APBB2: variants seen among roughly 807,000 people sequenced by gnomAD.
The protein encoded by APBB2 is amyloid beta precursor protein binding family B member 2, also known as Fe65-like 1.
A neutral mutation model predicts 82.5 loss-of-function variants in APBB2; 38 were observed. The observed-to-expected ratio is 0.46, with a 90% CI of 0.36 to 0.60. APBB2 has a LOEUF of 0.60. Among genes scored for constraint, APBB2 ranks in the 20% least tolerant of loss-of-function variants. The pLI is 0.00. For missense variants in APBB2, 772 were observed against 972.3 expected (o/e 0.79, Z 2.74); for synonymous variants, 341 against 368.2 (o/e 0.93, Z 0.85).
chr4:40,828,647 G>A (rs910121178), intron 13 of APBB2, among the ~76,000 whole-genome samples: 2 of 152,168 alleles, frequency 1.3e-5, no homozygotes, highest in African/African-American at 2.4e-5. Flanking sequence ...GCACATAAAT[G>A]GCATTCCATT....
intron 6 of APBB2, among the ~76,000 whole-genome samples, chr4:40,954,505 G>A (rs373358139): frequency 1.3e-5 from 2 of 152,166 alleles, no homozygotes; most frequent in East Asian, 1.9e-4. Flanking sequence ...TGCACACCCG[G>A]CCTAAGACAC....
chr4:40,846,326 CAAAAAAAAAA>C (rs3086182), intron 12 of APBB2, among the ~76,000 whole-genome samples: 11 of 62,510 alleles, frequency 1.8e-4, no homozygotes, highest in African/African-American at 7.1e-4. Context: ...GAAAACACTC[CAAAAAAAAAA>C]AAAAAAAAAA....
At chr4:41,213,856 G>A (rs1779957129) in intron 1 of APBB2, among the ~76,000 whole-genome samples, 1 of 152,172 alleles carries the variant, frequency 6.6e-6, no homozygotes, top group African/African-American at 2.4e-5. Flanking sequence ...TGAACCCCTC[G>A]TGGAGAAGCC....
intron 6 of APBB2, among the ~76,000 whole-genome samples, chr4:40,964,908 CAGG>C (rs1419417089): frequency 6.6e-6 from 1 of 152,094 alleles, no homozygotes; most frequent in Non-Finnish European, 1.5e-5. Context: ...ATCACGAGGT[CAGG>C]AGATCGAGAC....
At chr4:41,175,433 G>C (rs1458971405) in intron 1 of APBB2, among the ~76,000 whole-genome samples, 1 of 151,974 alleles carries the variant, frequency 6.6e-6, no homozygotes, top group Non-Finnish European at 1.5e-5. Context: ...TAAAAAATAA[G>C]GCTTGTATTT....
chr4:40,900,913 C>T (rs943194334), intron 10 of APBB2, among the ~76,000 whole-genome samples: 45 of 152,130 alleles, frequency 3.0e-4, no homozygotes, highest in African/African-American at 1.0e-3. Flanking sequence ...ATCAATGGGA[C>T]AAACAGACCA....
At chr4:41,098,797 A>T (rs28496572) in intron 3 of APBB2, among the ~76,000 whole-genome samples, 219 of 152,338 alleles carry the variant, frequency 1.4e-3, no homozygotes, top group African/African-American at 5.0e-3. Flanking sequence ...TACATTTGCA[A>T]TCTAAACACC....
At chr4:41,091,589 T>C (rs761754180) in intron 3 of APBB2, among the ~76,000 whole-genome samples, 1 of 152,168 alleles carries the variant, frequency 6.6e-6, no homozygotes, top group African/African-American at 2.4e-5. Context: ...GAGGGATTGA[T>C]TGTGTCTTTC....
chr4:40,870,748 T>C lies in APBB2; in HGVS notation c.1529+19616A>G, dbSNP rs560245385. On this transcript the variant is annotated intron_variant, in intron 12 of 17. Coordinates refer to ENST00000508593, the MANE Select transcript of APBB2 (RefSeq NM_004307.2). ...GTATACACACTCTTTTTTTTTTTTT[T>C]TTTGGAGACCAAGTCTCACTCTCAC... Among the ~76,000 whole-genome samples the C allele has an allele frequency of 4.9e-4, 75 of 151,616 alleles. 2 individuals are homozygous for C. The South Asian group carries it at 0.014, about 29-fold the overall frequency.
In APBB2 at chr4:40,832,630, G is replaced by C. The variant is rs1414601980; in HGVS notation, c.1530-2053C>G. On this transcript the variant is annotated intron_variant, in intron 12 of 17. Coordinates refer to ENST00000508593, the MANE Select transcript of APBB2 (RefSeq NM_004307.2). The surrounding 1 kb of genome is among the most constrained non-coding windows in gnomAD (Gnocchi z 4.8). Reference sequence around the variant, plus strand: ...ACGCAGCCATTCTAAGCTGCTCTTCGCCTCCCTGCCTGTGCTCAGGCCATC... The same window carrying C: ...ACGCAGCCATTCTAAGCTGCTCTTCCCCTCCCTGCCTGTGCTCAGGCCATC... 1.3e-5 allele frequency among the ~76,000 whole-genome samples: 2 copies of C among 152,014 alleles called. No individual in the cohort carries two copies. The highest frequency in any genetic ancestry group is 2.9e-5 in the Non-Finnish European group (2 of 67,994).
intron 3 of APBB2, among the ~76,000 whole-genome samples, chr4:41,093,110 G>A (rs187911678): frequency 6.6e-6 from 1 of 152,268 alleles, no homozygotes; most frequent in East Asian, 1.9e-4. Context: ...CAGTTGTGCT[G>A]CTCTCCTGGA....
intron 6 of APBB2, among the ~76,000 whole-genome samples, chr4:40,968,909 G>C (rs867929379): frequency 3.9e-5 from 6 of 152,114 alleles, no homozygotes; most frequent in Non-Finnish European, 5.9e-5. Flanking sequence ...TTGAATCATG[G>C]GGGAGGTTTC....
chr4:41,045,271 A>G (rs1722977214), intron 4 of APBB2, among the ~76,000 whole-genome samples: 1 of 151,504 alleles, frequency 6.6e-6, no homozygotes, highest in Non-Finnish European at 1.5e-5. Flanking sequence ...GAAATAGAAT[A>G]TTATGATTTT....
intron 2 of APBB2, among the ~76,000 whole-genome samples, chr4:41,104,319 C>A (rs915259217): frequency 2.0e-5 from 3 of 152,110 alleles, no homozygotes; most frequent in Admixed American, 6.5e-5. Flanking sequence ...CATGAGTGTG[C>A]TTAGTTTAAT....
At position 40,947,532 on chromosome 4, in the gene APBB2, G is replaced by A. The variant is rs551837506; in HGVS notation, c.836-2459C>T. The stretch of plus-strand genomic sequence containing the variant: ...GGTATCATGAGAGGAACTTTATGCT[G>A]AATGGCACGAATCAGACTGTTTATC... On this transcript the variant is annotated intron_variant, in intron 6 of 17. Coordinates refer to ENST00000508593, the MANE Select transcript of APBB2 (RefSeq NM_004307.2). 3.9e-5 allele frequency among the ~76,000 whole-genome samples: 6 copies of A among 152,366 alleles called. No individual in the cohort carries two copies. In the South Asian group the frequency reaches 1.2e-3, roughly 32 times the overall value.
intron 3 of APBB2, among the ~76,000 whole-genome samples, chr4:41,067,597 G>T (rs1179072118): frequency 6.6e-6 from 1 of 152,166 alleles, no homozygotes; most frequent in East Asian, 1.9e-4. Context: ...TAGACAGAAG[G>T]AGAACATTAC....
At chr4:40,837,245 C>T (rs988704060) in intron 12 of APBB2, among the ~76,000 whole-genome samples, 3 of 152,198 alleles carry the variant, frequency 2.0e-5, no homozygotes, top group African/African-American at 4.8e-5. Flanking sequence ...AGGCAGGGCC[C>T]GTAGCCAGCT....
In APBB2 at chr4:41,196,316, A is replaced by T; in HGVS notation, c.-417+18089T>A. Among the ~76,000 whole-genome samples, 14 of 152,280 alleles carry T rather than the reference A, an allele frequency of 9.2e-5. No individual in the cohort carries two copies. The South Asian group carries it at 1.9e-3, about 20-fold the overall frequency. ...CTGACACTGGGTGCAAGTGCCACCA[A>T]AGTTCAGATTTTCATCTGTTGTGTC... On this transcript the variant is annotated intron_variant, in intron 1 of 17. Transcript: ENST00000508593.
At chr4:40,903,662 G>A (rs575816129) in intron 10 of APBB2, among the ~76,000 whole-genome samples, 1 of 152,138 alleles carries the variant, frequency 6.6e-6, no homozygotes, top group Non-Finnish European at 1.5e-5. Flanking sequence ...AAGTTTCAGC[G>A]TAGAGAATAG....
Sources: gnomAD v4.1 joint callset for allele counts (sites outside exome capture counted in the v4.1 genomes callset) on GRCh38, gnomAD v4.1.1 for gene constraint, Gnocchi (gnomAD v3.1) non-coding constraint, MANE v1.5 for transcripts, NCBI Gene and HGNC (gene_info 2026-07-23, HGNC 2026-07-21) for gene names.